Variants in TBC1D1 observed in about 807,000 individuals in gnomAD.
The protein encoded by TBC1D1 is TBC1 (tre-2/USP6, BUB2, cdc16) domain family, member 1.
A neutral mutation model predicts 125.6 loss-of-function variants in TBC1D1; 89 were observed. The observed-to-expected ratio is 0.71, with a 90% CI of 0.60 to 0.85. The LOEUF (loss-of-function observed/expected upper bound fraction) is 0.85, where lower values mean the gene tolerates loss of function less well. TBC1D1 is among the 40% of genes least tolerant of loss of function. The pLI, the probability that TBC1D1 is intolerant of heterozygous loss-of-function variation, is 0.00. For synonymous variants in TBC1D1, 565 were observed against 564.1 expected (o/e 1.00, Z -0.02); for missense variants, 1,377 against 1,469.2 (o/e 0.94, Z 1.03).
At chr4:38,099,653 G>T (rs76509035) in intron 14 of TBC1D1, among the ~76,000 whole-genome samples, 1 of 152,150 alleles carries the variant, frequency 6.6e-6, no homozygotes, top group Admixed American at 6.5e-5. Flanking sequence ...TGAGTAAGAA[G>T]CTATTTACAT....
chr4:38,065,390 G>A (rs1415349858), intron 12 of TBC1D1, among the ~76,000 whole-genome samples: 5 of 152,256 alleles, frequency 3.3e-5, no homozygotes, highest in Admixed American at 6.5e-5. Context: ...CCCTCAAGCC[G>A]CAGCAGCTGA....
In TBC1D1 at chr4:38,014,459, G is replaced by A; in HGVS notation, c.418-50G>A. The A allele has an allele frequency of 6.4e-7, 1 of 1,566,264 alleles. No homozygotes were observed. Among genetic ancestry groups the A allele is most frequent in the Non-Finnish European group, 8.7e-7 (1 of 1,143,200 alleles). On this transcript the variant is annotated intron_variant, in intron 2 of 19. Transcript: ENST00000261439. The surrounding 1 kb of genome is among the most constrained non-coding windows in gnomAD (Gnocchi z 5.1). ...AGAGCATGGTGCATTCATTCCGTGA[G>A]TGCCAGCCACACTGCATGTTCCAAA...
intron 7 of TBC1D1, among the ~76,000 whole-genome samples, chr4:38,029,956 C>A (rs1351888391): frequency 1.3e-5 from 2 of 152,126 alleles, no homozygotes; most frequent in Non-Finnish European, 2.9e-5. Context: ...CAAAAATGGA[C>A]AATATGCTTC....
chr4:38,015,119 A>G (rs895472870), intron 3 of TBC1D1, 146 bp downstream of exon 3: 1 of 729,956 alleles, frequency 1.4e-6, no homozygotes, highest in African/African-American at 1.8e-5. Context: ...TTCTATTCTT[A>G]GGATAAGCTC....
chr4:37,961,280 A>T (rs1029774930), intron 2 of TBC1D1, among the ~76,000 whole-genome samples: 23 of 152,304 alleles, frequency 1.5e-4, no homozygotes, highest in African/African-American at 5.5e-4. Flanking sequence ...GATAAAGGAG[A>T]AAAGGCCAGG....
In TBC1D1 at chr4:38,069,255, C is replaced by T. The variant is rs548026992; in HGVS notation, c.2050+14917C>T. Among the ~76,000 whole-genome samples the T allele has an allele frequency of 2.6e-5, 4 of 152,314 alleles. No individual in the cohort carries two copies. The South Asian group carries it at 8.3e-4, about 32-fold the overall frequency. ...TTAAGCCATAACTGATTGAGTATCA[C>T]CAACCTGTTTGTTTTCCCTGATTAT... On this transcript the variant is annotated intron_variant, in intron 12 of 19. Transcript: ENST00000261439.
chr4:38,115,932 G>T lies in TBC1D1; in HGVS notation c.2780G>T (p.Arg927Leu). 2 of 1,614,104 alleles carry T rather than the reference G, an allele frequency of 1.2e-6. No homozygotes were observed. The highest frequency in any genetic ancestry group is 1.7e-5 in the Admixed American group (1 of 60,004). ...GACATGGGGCTGCGGAAACAGTATC[G>T]GCCAGACATGATTATTTTACAGGTA... is the stretch of plus-strand genomic sequence containing the variant. The change falls in exon 16 of 20, where the codon CGG (arginine) becomes CTG (leucine). Residue 927 changes from arginine (R) to leucine (L), a missense_variant. Arg to Leu is a moderately radical substitution (Grantham distance 102). This residue lies in a region of TBC1D1 where 543 missense variants were observed against 613.5 expected (regional missense o/e 0.89). Coordinates refer to ENST00000261439, the MANE Select transcript of TBC1D1 (RefSeq NM_015173.4).
chr4:37,956,047 T>G (rs201670899), intron 2 of TBC1D1, among the ~76,000 whole-genome samples: 1 of 143,390 alleles, frequency 7.0e-6, no homozygotes, highest in Non-Finnish European at 1.5e-5. Context: ...TTTTTTTTTT[T>G]GAAACAACGT....
At chr4:38,060,536 C>A in intron 12 of TBC1D1, 1 of 830,888 alleles carries the variant, frequency 1.2e-6, no homozygotes, top group Non-Finnish European at 1.7e-6. Context: ...TGAGAAGTGT[C>A]TGTTCATGAG....
chr4:38,122,714 A>G (rs1764053125), intron 17 of TBC1D1, among the ~76,000 whole-genome samples: 1 of 152,218 alleles, frequency 6.6e-6, no homozygotes, highest in African/African-American at 2.4e-5. Context: ...TAGATGCTCA[A>G]TAGATGCTCA....
chr4:38,106,796 G>T (rs1247328112), intron 15 of TBC1D1, among the ~76,000 whole-genome samples: 1 of 152,116 alleles, frequency 6.6e-6, no homozygotes, highest in Non-Finnish European at 1.5e-5. Flanking sequence ...CAGAACAAGG[G>T]CCTCGGCGTG....
intron 14 of TBC1D1, among the ~76,000 whole-genome samples, chr4:38,100,381 C>T (rs1048806421): frequency 3.3e-5 from 5 of 152,180 alleles, no homozygotes; most frequent in South Asian, 4.1e-4. Context: ...CTTGTGGTCA[C>T]GGCACTCCAG....
intron 6 of TBC1D1, among the ~76,000 whole-genome samples, chr4:38,022,589 A>G (rs1744265448): frequency 6.6e-6 from 1 of 152,222 alleles, no homozygotes; most frequent in Admixed American, 6.5e-5. Context: ...TTCAGAGCCC[A>G]AGGGGCCAGA....
rs1300048341 is a variant in TBC1D1 at position 37,994,796 on chromosome 4, CT to C, written c.418-19708del. 2.0e-5 allele frequency among the ~76,000 whole-genome samples: 3 copies of C among 152,166 alleles called. 1 individual carries two copies. Among genetic ancestry groups the C allele is most frequent in the South Asian group, 4.1e-4 (2 of 4,828 alleles). On this transcript the variant is annotated intron_variant, in intron 2 of 19. Transcript: ENST00000261439. ...ATGACATTTCTCCTAATGCCCTAGG[CT>C]TTTTGTTCCTTTTCATTCTTTTGTT...
intron 2 of TBC1D1, among the ~76,000 whole-genome samples, chr4:37,994,199 T>G (rs1737264387): frequency 1.3e-5 from 2 of 152,260 alleles, no homozygotes; most frequent in African/African-American, 4.8e-5. Flanking sequence ...AAGGGATGCC[T>G]GACTCCTCAA....
chr4:37,966,502 C>T (rs1336625313), intron 2 of TBC1D1, among the ~76,000 whole-genome samples: 1 of 152,236 alleles, frequency 6.6e-6, no homozygotes, highest in East Asian at 1.9e-4. Flanking sequence ...TCAGCCCTTA[C>T]ATCTCCTATC....
At chr4:38,091,593 A>G (rs769086852) in intron 13 of TBC1D1, among the ~76,000 whole-genome samples, 13 of 152,256 alleles carry the variant, frequency 8.5e-5, no homozygotes, top group Non-Finnish European at 1.8e-4. Context: ...TTTAATGCCA[A>G]TACTGGCCAA....
intron 15 of TBC1D1, among the ~76,000 whole-genome samples, chr4:38,111,644 A>G (rs1762220038): frequency 6.6e-6 from 1 of 152,194 alleles, no homozygotes; most frequent in African/African-American, 2.4e-5. Flanking sequence ...GAAGCATATA[A>G]AGCAAAAGCT....
rs1217610310 is a variant in TBC1D1, at chr4:38,096,004, C to G, written c.2312C>G (p.Thr771Ser). Reference sequence around the variant, plus strand: ...ATTACTCCCTGTCTTAAAGAAGTAACTACAGTGTGGGAAAAGATGCTTAGC... The same window carrying G: ...ATTACTCCCTGTCTTAAAGAAGTAAGTACAGTGTGGGAAAAGATGCTTAGC... Residue 771 changes from threonine to serine, a missense_variant, in exon 14 of 20, where the codon ACT (threonine) becomes AGT (serine). Transcript: ENST00000261439. 2 of 1,613,988 alleles carry G rather than the reference C, an allele frequency of 1.2e-6. No individual in the cohort carries two copies. The highest frequency in any genetic ancestry group is 3.3e-5 in the Admixed American group (2 of 59,990).
Sources: allele counts gnomAD v4.1 joint callset (sites outside exome capture counted in the v4.1 genomes callset), GRCh38; gene constraint gnomAD v4.1.1; regional missense constraint gnomAD v4.1.1; non-coding constraint Gnocchi (gnomAD v3.1); transcripts MANE v1.5; gene names NCBI Gene and HGNC (gene_info 2026-07-23, HGNC 2026-07-21).